The following CWF19L2 variants were observed in gnomAD, a reference collection of about 807,000 sequenced individuals.
The protein encoded by CWF19L2 is CWF19 like cell cycle control factor 2.
CWF19L2 carries 98 observed loss-of-function variants against 111.7 expected under a neutral mutation model. That is an observed-to-expected ratio of 0.88 (90% CI 0.75 to 1.04). The LOEUF (loss-of-function observed/expected upper bound fraction) is 1.04, where lower values mean the gene tolerates loss of function less well. Among genes scored for constraint, CWF19L2 ranks in the 50% least tolerant of loss-of-function variants. The probability of loss-of-function intolerance (pLI) is 0.00; values close to 1 mark genes in which losing one functional copy is unlikely to be tolerated. For missense variants in CWF19L2, 1,101 were observed against 1,051.4 expected (o/e 1.05, Z -0.65); for synonymous variants, 351 against 342.9 (o/e 1.02, Z -0.26).
In CWF19L2 at chr11:107,353,711, T is replaced by C. The variant is rs752473097; in HGVS notation, c.1898A>G (p.Tyr633Cys). 2.7e-5 allele frequency: 43 copies of C among 1,613,678 alleles called. No individual in the cohort carries two copies. The highest frequency in any genetic ancestry group is 1.6e-4 in the Middle Eastern group (1 of 6,084). ...GACAAACATGTCATCCAGGGTGTAA[T>C]AGTCTCCATCTGTTTTTCCCATAAA... ...SKFMGKTDGD[Y>C]YTLDDMFVSK... Residue 633 changes from tyrosine (Y) to cysteine (C), a missense_variant, in exon 13 of 18, where the codon TAT (tyrosine) becomes TGT (cysteine). Transcript: ENST00000282251.
At chr11:107,396,519 T>C (rs1387793892) in intron 10 of CWF19L2, among the ~76,000 whole-genome samples, 1 of 152,202 alleles carries the variant, frequency 6.6e-6, no homozygotes, top group Non-Finnish European at 1.5e-5. Context: ...AAACACTTTA[T>C]ATAAAGCTAC....
In CWF19L2 at chr11:107,391,793, T is replaced by G. The variant is rs150382753; in HGVS notation, c.1734+986A>C. ...ATTCTTTTCTTTACTAGCTTAAACCTCATATCCCATGACTCCAATCACCCC... is the reference window on the plus strand; with the variant it reads ...ATTCTTTTCTTTACTAGCTTAAACCGCATATCCCATGACTCCAATCACCCC... On this transcript the variant is annotated intron_variant, in intron 11 of 17. Coordinates refer to ENST00000282251, the MANE Select transcript of CWF19L2 (RefSeq NM_152434.3). 6.3e-3 allele frequency among the ~76,000 whole-genome samples: 964 copies of G among 152,244 alleles called. 11 individuals carry two copies. Among genetic ancestry groups the G allele is most frequent in the African/African-American group, 0.022 (924 of 41,556 alleles).
chr11:107,362,860 C>T (rs1361250786), intron 12 of CWF19L2, among the ~76,000 whole-genome samples: 5 of 151,800 alleles, frequency 3.3e-5, no homozygotes, highest in African/African-American at 4.9e-5. Flanking sequence ...AGGCTTCAGA[C>T]GATCAAATTA....
intron 12 of CWF19L2, among the ~76,000 whole-genome samples, chr11:107,383,473 A>T (rs1047652086): frequency 3.3e-5 from 5 of 152,210 alleles, no homozygotes; most frequent in Non-Finnish European, 7.3e-5. Context: ...TTTTCTCTAC[A>T]CATCTTTTTC....
intron 12 of CWF19L2, among the ~76,000 whole-genome samples, chr11:107,382,836 T>C (rs1297303539): frequency 1.3e-5 from 2 of 152,202 alleles, no homozygotes; most frequent in African/African-American, 4.8e-5. Context: ...GACTCTAATC[T>C]TCTCCTACCT....
rs1253772539 is a variant in CWF19L2, at chr11:107,353,560, T to C, written c.2049A>G (p.Gln683=). 1.2e-6 allele frequency: 2 copies of C among 1,613,622 alleles called. No homozygotes were observed. The highest frequency in any genetic ancestry group is 1.7e-6 in the Non-Finnish European group (2 of 1,179,760). Residue 683 remains glutamine, a synonymous_variant, in exon 13 of 18, where the codon CAA becomes CAG. Coordinates refer to ENST00000282251, the MANE Select transcript of CWF19L2 (RefSeq NM_152434.3). The part of the protein sequence containing the change: ...EKCLYCFDSS[Q]FPKHLIVAIG... Reference sequence around the variant, plus strand: ...TTGCAACAATAAGATGCTTGGGAAATTGAGAGCTGTCAAAACAATACAGAC... The same window carrying C: ...TTGCAACAATAAGATGCTTGGGAAACTGAGAGCTGTCAAAACAATACAGAC...
At chr11:107,374,245 G>A (rs9667710) in intron 12 of CWF19L2, among the ~76,000 whole-genome samples, 45,095 of 121,288 alleles carry the variant, frequency 0.37, 13,357 homozygotes, top group African/African-American at 0.6. Flanking sequence ...GCAGGCCAAC[G>A]TTCAGATTCA....
intron 11 of CWF19L2, among the ~76,000 whole-genome samples, chr11:107,391,529 G>A (rs896097791): frequency 1.3e-5 from 2 of 152,142 alleles, no homozygotes; most frequent in African/African-American, 4.8e-5. Context: ...TTAAACCCTT[G>A]TTCTGTAAAC....
At chr11:107,401,989 C>T (rs1288032518) in intron 10 of CWF19L2, among the ~76,000 whole-genome samples, 1 of 152,052 alleles carries the variant, frequency 6.6e-6, no homozygotes, top group African/African-American at 2.4e-5. Context: ...GGAAAGGACG[C>T]CCTTTTCAAC....
intron 10 of CWF19L2, among the ~76,000 whole-genome samples, chr11:107,408,155 TC>T (rs959780960): frequency 3.3e-5 from 5 of 152,044 alleles, no homozygotes; most frequent in Admixed American, 1.3e-4. Context: ...TCTATACTTT[TC>T]CTTTGAAGGA....
At chr11:107,337,496 A>G (rs182677233) in intron 14 of CWF19L2, among the ~76,000 whole-genome samples, 19 of 152,154 alleles carry the variant, frequency 1.2e-4, no homozygotes, top group African/African-American at 4.6e-4. Flanking sequence ...GCATGCATTC[A>G]CATGACACCC....
chr11:107,430,424 T>C (rs183315215), intron 7 of CWF19L2, among the ~76,000 whole-genome samples: 2 of 152,162 alleles, frequency 1.3e-5, no homozygotes, highest in East Asian at 3.9e-4. Flanking sequence ...CAATTCACAG[T>C]CAAATTATCC....
intron 15 of CWF19L2, 39 bp from the exon 16 acceptor site, chr11:107,335,000 T>TAAGTAAATAAAAGTAAATAA: frequency 7.8e-7 from 1 of 1,284,632 alleles, no homozygotes; most frequent in Non-Finnish European, 1.1e-6. Context: ...AAAGAACATG[T>TAAGTAAATAAAAGTAAATAA]AAGTAAATAA....
At chr11:107,361,057 T>C (rs896855675) in intron 12 of CWF19L2, among the ~76,000 whole-genome samples, 2 of 152,198 alleles carry the variant, frequency 1.3e-5, no homozygotes, top group African/African-American at 4.8e-5. Context: ...TCCCCTAGGT[T>C]TTCTTCTAGA....
intron 10 of CWF19L2, among the ~76,000 whole-genome samples, chr11:107,394,801 T>G (rs369523837): frequency 8.5e-5 from 13 of 152,120 alleles, no homozygotes; most frequent in African/African-American, 3.1e-4. Context: ...TTTCCAGCCC[T>G]TCAGCCTGAA....
In CWF19L2 at chr11:107,341,948, A is replaced by AT. The variant is rs550921448; in HGVS notation, c.2203-5236dup. On this transcript the variant is annotated intron_variant, in intron 14 of 17. Transcript: ENST00000282251. ...TGATATTGGTAACTTGTTTTTTCTC[A>AT]TTTTTTTTCCTTTGTTGGTCTTGCT... 1.5e-3 allele frequency among the ~76,000 whole-genome samples: 233 copies of AT among 151,068 alleles called. 1 individual carries two copies. The highest frequency in any genetic ancestry group is 5.2e-3 in the African/African-American group (213 of 41,146).
intron 10 of CWF19L2, chr11:107,403,715 G>A (rs552019478): frequency 3.7e-5 from 31 of 831,090 alleles, no homozygotes; most frequent in Middle Eastern, 4.5e-4. Flanking sequence ...TTGCTCTGCC[G>A]CCTCCTTCTC....
chr11:107,333,579 A>G (rs1206062396), intron 16 of CWF19L2, among the ~76,000 whole-genome samples: 1 of 152,232 alleles, frequency 6.6e-6, no homozygotes, highest in Non-Finnish European at 1.5e-5. Context: ...CACAAAAAGG[A>G]GAGAAGTAAA....
intron 12 of CWF19L2, among the ~76,000 whole-genome samples, chr11:107,359,745 C>T (rs1387624615): frequency 2.0e-5 from 3 of 152,122 alleles, no homozygotes; most frequent in Middle Eastern, 3.4e-3. Flanking sequence ...CATGGCAGAA[C>T]CCCATCTACA....
Sources: gnomAD v4.1 joint callset for allele counts (sites outside exome capture counted in the v4.1 genomes callset) on GRCh38, gnomAD v4.1.1 for gene constraint, MANE v1.5 for transcripts, NCBI Gene and HGNC (gene_info 2026-07-23, HGNC 2026-07-21) for gene names.